Variants in CNTNAP2 observed in about 807,000 individuals in gnomAD.
CNTNAP2 encodes the protein contactin-associated protein-like 2.
Under a neutral mutation model 155.2 loss-of-function variants are expected in CNTNAP2, and 98 were observed. That is an observed-to-expected ratio of 0.63 (90% CI 0.54 to 0.75). The LOEUF is 0.75. Among genes scored for constraint, CNTNAP2 ranks in the 30% least tolerant of loss-of-function variants. CNTNAP2 has a pLI of 0.00. For synonymous variants in CNTNAP2, 651 were observed against 631.2 expected, an observed-to-expected ratio of 1.03 and a Z score of -0.47; for missense variants, 1,727 against 1,688.1, an observed-to-expected ratio of 1.02 and a Z score of -0.40.
chr7:146,487,124 A>T (rs544884601), intron 1 of CNTNAP2, among the ~76,000 whole-genome samples: 34 of 152,218 alleles, frequency 2.2e-4, no homozygotes, highest in Non-Finnish European at 4.4e-4. Context: ...CGTATAAGTC[A>T]TGATCTCATT....
chr7:147,304,056 G>A (rs748321420), intron 9 of CNTNAP2, among the ~76,000 whole-genome samples: 18 of 152,196 alleles, frequency 1.2e-4, no homozygotes, highest in Non-Finnish European at 2.2e-4. Context: ...GTTAAGTCCC[G>A]GTTGTGTAGC....
chr7:147,423,117 A>G (rs775100449), intron 10 of CNTNAP2, among the ~76,000 whole-genome samples: 1 of 152,150 alleles, frequency 6.6e-6, no homozygotes, highest in Non-Finnish European at 1.5e-5. Flanking sequence ...GTCCTATACA[A>G]CAGGTGGAGA....
rs144838800 is a variant in CNTNAP2 at position 147,040,082 on chromosome 7, C to T, written c.403-3825C>T. 3.7e-4 allele frequency among the ~76,000 whole-genome samples: 56 copies of T among 152,114 alleles called. No individual in the cohort carries two copies. The East Asian group carries it at 0.011, about 29-fold the overall frequency. Reference sequence around the variant, plus strand: ...CTGACAAAGGTCTAATATCCAGCATCGATAAGGAACTTAAACAAATTTACA... The same window carrying T: ...CTGACAAAGGTCTAATATCCAGCATTGATAAGGAACTTAAACAAATTTACA... On this transcript the variant is annotated intron_variant, in intron 3 of 23. Transcript: ENST00000361727.
chr7:147,342,196 A>C (rs1390677712), intron 9 of CNTNAP2, among the ~76,000 whole-genome samples: 5 of 152,140 alleles, frequency 3.3e-5, no homozygotes, highest in African/African-American at 1.2e-4. Flanking sequence ...AAATCCCATC[A>C]CATTTGGGAT....
intron 17 of CNTNAP2, among the ~76,000 whole-genome samples, chr7:148,171,404 C>T (rs1196237460): frequency 1.3e-5 from 2 of 152,086 alleles, no homozygotes; most frequent in East Asian, 1.9e-4. Context: ...TGAGTTCGTC[C>T]TTTTATACCA....
At chr7:147,266,903 T>C (rs188008610) in intron 8 of CNTNAP2, among the ~76,000 whole-genome samples, 1 of 152,316 alleles carries the variant, frequency 6.6e-6, no homozygotes, top group East Asian at 1.9e-4. Flanking sequence ...ATTTTCTCTA[T>C]AAGAAACTGT....
At chr7:146,555,098 T>C (rs1212809070) in intron 1 of CNTNAP2, among the ~76,000 whole-genome samples, 2 of 152,198 alleles carry the variant, frequency 1.3e-5, no homozygotes, top group Non-Finnish European at 2.9e-5. Context: ...GCCTCCTCTA[T>C]TGCTCAGCAG....
chr7:148,082,267 C>G (rs1417515354), intron 15 of CNTNAP2, among the ~76,000 whole-genome samples: 2 of 152,190 alleles, frequency 1.3e-5, no homozygotes, highest in Non-Finnish European at 2.9e-5. Context: ...ACCAACAGAA[C>G]TAGAACAATA....
chr7:147,314,381 G>C (rs761720125), intron 9 of CNTNAP2, among the ~76,000 whole-genome samples: 21 of 152,074 alleles, frequency 1.4e-4, no homozygotes, highest in Non-Finnish European at 3.1e-4. Context: ...AAGCCTCTCT[G>C]ACATCTAGAT....
At chr7:148,143,532 A>T (rs879490609) in intron 16 of CNTNAP2, among the ~76,000 whole-genome samples, 8 of 152,076 alleles carry the variant, frequency 5.3e-5, no homozygotes, top group African/African-American at 1.9e-4. Context: ...TACAAAAATT[A>T]TCTAGGTGTG....
intron 15 of CNTNAP2, among the ~76,000 whole-genome samples, chr7:148,028,836 TTC>T (rs1380397389): frequency 3.3e-5 from 5 of 152,130 alleles, no homozygotes; most frequent in Non-Finnish European, 5.9e-5. Context: ...CCCCAGATCA[TTC>T]TACAGTATGA....
rs148029749 is a variant in CNTNAP2, at chr7:147,663,673, A to G, written c.2098+24367A>G. Among the ~76,000 whole-genome samples, 1,040 of 152,350 alleles carry G rather than the reference A, an allele frequency of 6.8e-3. 10 individuals carry two copies. The highest frequency in any genetic ancestry group is 0.024 in the African/African-American group (985 of 41,586). On this transcript the variant is annotated intron_variant, in intron 13 of 23. Transcript: ENST00000361727. ...TAGTATCCTGAAATTACCAGTTTGC[A>G]TACTGTTTGCAATTATTACTACAAA...
chr7:148,420,643 A>G lies in CNTNAP2; in HGVS notation c.*5027A>G, dbSNP rs1340635022. ...TTTACAGCAACTGCTGCTTTCGGAG[A>G]TGGCTGTGAAAATATGGAAGTTCCT... is the stretch of plus-strand genomic sequence containing the variant. On this transcript the variant is annotated 3_prime_UTR_variant, in exon 24 of 24. Coordinates refer to ENST00000361727, the MANE Select transcript of CNTNAP2 (RefSeq NM_014141.6). 1 of 152,460 alleles carries G rather than the reference A, an allele frequency of 6.6e-6. No individual in the cohort carries two copies. Among genetic ancestry groups the G allele is most frequent in the Non-Finnish European group, 1.5e-5 (1 of 68,046 alleles). 9.4% of individuals were successfully genotyped at this position (152,460 alleles called of 1,614,324 possible).
chr7:147,350,090 C>G (rs966573581), intron 9 of CNTNAP2, among the ~76,000 whole-genome samples: 4 of 151,720 alleles, frequency 2.6e-5, no homozygotes, highest in African/African-American at 9.7e-5. Flanking sequence ...AGTGTAGGGC[C>G]TTTGCCCTGA....
At chr7:146,166,095 T>G (rs574554087) in intron 1 of CNTNAP2, among the ~76,000 whole-genome samples, 3 of 152,222 alleles carry the variant, frequency 2.0e-5, no homozygotes, top group South Asian at 4.1e-4. Flanking sequence ...GGTGGTGGTG[T>G]TCTTGCTTTT....
intron 1 of CNTNAP2, among the ~76,000 whole-genome samples, chr7:146,738,878 G>A (rs1284948943): frequency 6.7e-6 from 1 of 150,236 alleles, no homozygotes; most frequent in African/African-American, 2.4e-5. Context: ...GGTAGATGGT[G>A]TATATCAAGG....
At chr7:146,163,920 A>G (rs1798272168) in intron 1 of CNTNAP2, among the ~76,000 whole-genome samples, 1 of 152,078 alleles carries the variant, frequency 6.6e-6, no homozygotes, top group Non-Finnish European at 1.5e-5. Flanking sequence ...CTTCAGACTG[A>G]TGGTTCGGAA....
intron 15 of CNTNAP2, among the ~76,000 whole-genome samples, chr7:148,012,653 G>A (rs1585077206): frequency 6.6e-6 from 1 of 152,142 alleles, no homozygotes; most frequent in East Asian, 1.9e-4. Flanking sequence ...ATTCAGAGTT[G>A]CCTAGTAAAA....
At chr7:147,973,743 ATTC>A (rs1801377730) in intron 14 of CNTNAP2, among the ~76,000 whole-genome samples, 2 of 152,166 alleles carry the variant, frequency 1.3e-5, no homozygotes, top group Admixed American at 1.3e-4. Flanking sequence ...TTTGGCTTAT[ATTC>A]TGTTTTGGTT....
Sources: gnomAD v4.1 joint callset for allele counts (sites outside exome capture counted in the v4.1 genomes callset) on GRCh38, gnomAD v4.1.1 for gene constraint, MANE v1.5 for transcripts, NCBI Gene and HGNC (gene_info 2026-07-23, HGNC 2026-07-21) for gene names.